The following RANBP2 variants were observed in gnomAD, a reference collection of about 807,000 sequenced individuals.
RANBP2 encodes RAN binding protein 2, also known as E3 SUMO-protein ligase RanBP2.
In RANBP2, 57 loss-of-function variants were observed where a neutral mutation model predicts 303.6. That is an observed-to-expected ratio of 0.19 (90% CI 0.15 to 0.23). The LOEUF (loss-of-function observed/expected upper bound fraction) is 0.23. Ranked by LOEUF, RANBP2 falls within the 10% of genes least tolerant of loss-of-function variation. RANBP2 has a pLI of 1.00. For missense variants in RANBP2, 3,138 were observed against 3,780.8 expected, an observed-to-expected ratio of 0.83 and a Z score of 4.46; for synonymous variants, 1,167 against 1,301.5, an observed-to-expected ratio of 0.90 and a Z score of 2.23.
the RANBP2 span, among the ~76,000 whole-genome samples, chr2:109,261,622 A>C: frequency 9.8e-5 from 15 of 152,314 alleles, no homozygotes; most frequent in East Asian, 2.9e-3. Context: ...GGTGGTGTTC[A>C]GTGTTCATTG....
the RANBP2 span, among the ~76,000 whole-genome samples, chr2:108,922,078 G>A: frequency 2.6e-5 from 4 of 152,220 alleles, no homozygotes; most frequent in African/African-American, 4.8e-5. Flanking sequence ...CGCCCCTGCC[G>A]TGACTCAAGT....
chr2:109,447,058 G>A, the RANBP2 span, among the ~76,000 whole-genome samples: 1 of 150,450 alleles, frequency 6.6e-6, no homozygotes, highest in African/African-American at 2.5e-5. Context: ...CTGCGTGATT[G>A]CCTGACCTGC....
At chr2:109,427,587 C>G in the RANBP2 span, among the ~76,000 whole-genome samples, 1 of 152,272 alleles carries the variant, frequency 6.6e-6, no homozygotes, top group East Asian at 1.9e-4. Flanking sequence ...GTTCACACTT[C>G]GGGAGTCCCT....
the RANBP2 span, among the ~76,000 whole-genome samples, chr2:109,485,660 C>A: frequency 6.6e-6 from 1 of 152,254 alleles, no homozygotes; most frequent in Admixed American, 6.5e-5. Flanking sequence ...TATCAGATTT[C>A]TAGATGATTC....
chr2:109,221,581 C>CAAAAAA, the RANBP2 span, among the ~76,000 whole-genome samples: 1 of 63,342 alleles, frequency 1.6e-5, no homozygotes. Context: ...GACTCCATCT[C>CAAAAAA]AAAAAAAAAA....
At chr2:109,334,877 C>G in the RANBP2 span, among the ~76,000 whole-genome samples, 2 of 152,212 alleles carry the variant, frequency 1.3e-5, no homozygotes, top group Non-Finnish European at 2.9e-5. Flanking sequence ...TTTGTGGAAC[C>G]CAGTGTTTTT....
chr2:108,868,355 A>T, the RANBP2 span, among the ~76,000 whole-genome samples: 1 of 152,188 alleles, frequency 6.6e-6, no homozygotes, highest in African/African-American at 2.4e-5. Context: ...TCTTTCTCAA[A>T]TTGAAGATTT....
chr2:108,792,720 C>G, the RANBP2 span, among the ~76,000 whole-genome samples: 1 of 152,080 alleles, frequency 6.6e-6, no homozygotes, highest in Non-Finnish European at 1.5e-5. Context: ...GAAGACACAC[C>G]CCCCTCCTTT....
At chr2:109,570,116 G>A in the RANBP2 span, among the ~76,000 whole-genome samples, 1 of 152,038 alleles carries the variant, frequency 6.6e-6, no homozygotes, top group Non-Finnish European at 1.5e-5. Context: ...TTAAAACAAA[G>A]CTTAGGGGTT....
At chr2:109,523,976 A>C in the RANBP2 span, among the ~76,000 whole-genome samples, 1 of 152,188 alleles carries the variant, frequency 6.6e-6, no homozygotes, top group East Asian at 1.9e-4. Context: ...AGCTGTCTGC[A>C]TCACAGCCGC....
the RANBP2 span, among the ~76,000 whole-genome samples, chr2:109,582,532 G>A: frequency 6.6e-6 from 1 of 152,040 alleles, no homozygotes; most frequent in Non-Finnish European, 1.5e-5. Flanking sequence ...ATGTTGCCCA[G>A]GCTAGTCTCA....
the RANBP2 span, among the ~76,000 whole-genome samples, chr2:109,109,305 A>G: frequency 6.6e-6 from 1 of 152,244 alleles, no homozygotes; most frequent in Non-Finnish European, 1.5e-5. Context: ...TCTTGCCCCC[A>G]GGCACATGAT....
chr2:108,772,753 T>G, intron 22 of RANBP2, 115 bp from the exon 23 acceptor site: 1 of 1,249,108 alleles, frequency 8.0e-7, no homozygotes. Context: ...TTGTTTTTCA[T>G]TAGTATGTAC....
chr2:108,938,791 C>A, the RANBP2 span, among the ~76,000 whole-genome samples: 1 of 145,904 alleles, frequency 6.9e-6, no homozygotes. Context: ...CTTCTTCCCC[C>A]CCCGCCCCAC....
the RANBP2 span, among the ~76,000 whole-genome samples, chr2:109,580,606 T>C: frequency 6.6e-6 from 1 of 152,128 alleles, no homozygotes; most frequent in Non-Finnish European, 1.5e-5. Context: ...TCCTACCCAG[T>C]ACAGTCCAGC....
the RANBP2 span, among the ~76,000 whole-genome samples, chr2:109,459,723 A>G: frequency 1.4e-4 from 22 of 152,292 alleles, no homozygotes; most frequent in African/African-American, 3.6e-4. Flanking sequence ...TTCCAGCTCA[A>G]TGGAATCATT....
chr2:109,371,080 A>G, the RANBP2 span, among the ~76,000 whole-genome samples: 1 of 152,224 alleles, frequency 6.6e-6, no homozygotes, highest in African/African-American at 2.4e-5. Flanking sequence ...CTTTGCAGCT[A>G]TAATCAATAG....
the RANBP2 span, chr2:108,884,395 T>C: frequency 1.3e-5 from 2 of 152,192 alleles, no homozygotes; most frequent in African/African-American, 4.8e-5. Context: ...GAATGGGCAT[T>C]CACTGCATAG....
At chr2:109,799,334 CTTT>C in the RANBP2 span, among the ~76,000 whole-genome samples, 1 of 29,102 alleles carries the variant, frequency 3.4e-5, no homozygotes, top group Non-Finnish European at 5.1e-5. Flanking sequence ...TGCTATAGTT[CTTT>C]TTTTTTTTTG....
Sources: gnomAD v4.1 joint callset for allele counts (sites outside exome capture counted in the v4.1 genomes callset) on GRCh38, gnomAD v4.1.1 for gene constraint, MANE v1.5 for transcripts, NCBI Gene and HGNC (gene_info 2026-07-23, HGNC 2026-07-21) for gene names.